Variants in DLGAP2 observed in about 807,000 individuals in gnomAD.
The protein encoded by DLGAP2 is disks large-associated protein 2.
In DLGAP2, 26 loss-of-function variants were observed where a neutral mutation model predicts 100.3. The ratio of observed to expected loss-of-function variants is 0.26; its 90% CI spans 0.19 to 0.36. The LOEUF (loss-of-function observed/expected upper bound fraction) is 0.36. Among genes scored for constraint, DLGAP2 ranks in the 10% least tolerant of loss-of-function variants. The pLI is 1.00. For missense variants in DLGAP2, 1,858 were observed against 1,453.2 expected (o/e 1.28, Z -4.53); for synonymous variants, 886 against 630.1 (o/e 1.41, Z -6.08).
Position 1,548,633 on chromosome 8 carries a change from G to A in DLGAP2, c.180G>A (p.Gln60=), listed in dbSNP as rs1283180882. ...PGPAEEDLDP[Q]YSWSPTQHFN... is the part of the protein sequence containing the mutation. ...GTTTCTGTTTCCCCACAGACCCGCA[G>A]TACTCATGGTCGCCCACGCAGCACT... is the stretch of plus-strand genomic sequence containing the variant. Residue 60 remains glutamine (Q), a synonymous_variant, in exon 5 of 15, where the codon CAG becomes CAA. Coordinates refer to ENST00000637795, the MANE Select transcript of DLGAP2 (RefSeq NM_001346810.2). 2.0e-6 allele frequency: 3 copies of A among 1,537,582 alleles called. No individual in the cohort carries two copies. In the South Asian group the frequency reaches 3.6e-5, roughly 19 times the overall value.
intron 3 of DLGAP2, among the ~76,000 whole-genome samples, chr8:1,323,362 A>G (rs1173126709): frequency 6.6e-6 from 1 of 152,104 alleles, no homozygotes; most frequent in Non-Finnish European, 1.5e-5. Flanking sequence ...TTTTTAAACA[A>G]CCACGATGCA....
chr8:1,570,871 G>C (rs1177470563), intron 6 of DLGAP2, among the ~76,000 whole-genome samples: 1 of 149,548 alleles, frequency 6.7e-6, no homozygotes, highest in African/African-American at 2.5e-5. Flanking sequence ...TGATGAGATG[G>C]AGAAGAGAGA....
intron 2 of DLGAP2, among the ~76,000 whole-genome samples, chr8:949,788 C>T (rs1799429950): frequency 2.6e-5 from 4 of 152,256 alleles, no homozygotes; most frequent in African/African-American, 4.8e-5. Context: ...TTGTGGGGGC[C>T]GTCCTGGGAC....
In DLGAP2 at chr8:985,202, T is replaced by G. The variant is rs184377186; in HGVS notation, c.73+77236T>G. Reference sequence around the variant, plus strand: ...CTGATCCAGAGGAAAGAGAAATCAGTGGAAATGAGTCAAGATACAAGGTCC... The same window carrying G: ...CTGATCCAGAGGAAAGAGAAATCAGGGGAAATGAGTCAAGATACAAGGTCC... On this transcript the variant is annotated intron_variant, in intron 2 of 14. Coordinates refer to ENST00000637795, the MANE Select transcript of DLGAP2 (RefSeq NM_001346810.2). Among the ~76,000 whole-genome samples, 211 of 152,214 alleles carry G rather than the reference T, an allele frequency of 1.4e-3. 1 individual carries two copies. Among genetic ancestry groups the G allele is most frequent in the Non-Finnish European group, 2.5e-3 (170 of 67,996 alleles).
intron 6 of DLGAP2, among the ~76,000 whole-genome samples, chr8:1,616,014 G>T (rs1281986925): frequency 2.0e-5 from 3 of 152,122 alleles, no homozygotes; most frequent in South Asian, 4.1e-4. Context: ...GATGTTAAAG[G>T]AGAAGAAGGT....
intron 1 of DLGAP2, among the ~76,000 whole-genome samples, chr8:773,802 A>C (rs1305330402): frequency 7.2e-5 from 11 of 152,216 alleles, no homozygotes; most frequent in Admixed American, 1.3e-4. Context: ...ATACCACAAT[A>C]AACATACATG....
chr8:1,242,724 A>C (rs9644306), intron 2 of DLGAP2, among the ~76,000 whole-genome samples: 2 of 152,012 alleles, frequency 1.3e-5, no homozygotes, highest in Non-Finnish European at 2.9e-5. Flanking sequence ...AGGTGGGTGG[A>C]TGGATGTATG....
chr8:1,437,831 A>T (rs891459735), intron 3 of DLGAP2, among the ~76,000 whole-genome samples: 2 of 149,652 alleles, frequency 1.3e-5, no homozygotes, highest in African/African-American at 4.9e-5. Flanking sequence ...AAAAAAAAAA[A>T]AAAAATTAGC....
chr8:913,083 C>A (rs1040322804), intron 2 of DLGAP2, among the ~76,000 whole-genome samples: 10 of 152,142 alleles, frequency 6.6e-5, no homozygotes, highest in African/African-American at 2.4e-4. Flanking sequence ...ATAGGTTGAG[C>A]AAATTTTTTT....
At chr8:1,277,714 G>C (rs559978223) in intron 3 of DLGAP2, among the ~76,000 whole-genome samples, 2 of 152,112 alleles carry the variant, frequency 1.3e-5, no homozygotes, top group Non-Finnish European at 2.9e-5. Flanking sequence ...CTGCACCGAG[G>C]TCGGGGCAGG....
chr8:962,088 C>T (rs1799739585), intron 2 of DLGAP2, among the ~76,000 whole-genome samples: 1 of 152,196 alleles, frequency 6.6e-6, no homozygotes. Context: ...TTTGTAAAAG[C>T]ATTTCTCTGA....
At chr8:1,642,164 T>C (rs71518073) in intron 8 of DLGAP2, among the ~76,000 whole-genome samples, 1 of 23,574 alleles carries the variant, frequency 4.2e-5, no homozygotes, top group Non-Finnish European at 6.4e-5. Flanking sequence ...ACCCCGCCGG[T>C]CCCCACCTGT....
At chr8:1,539,608 C>T (rs1801287075) in intron 4 of DLGAP2, among the ~76,000 whole-genome samples, 1 of 151,926 alleles carries the variant, frequency 6.6e-6, no homozygotes, top group South Asian at 2.1e-4. Context: ...CCTCTCCAGG[C>T]CCCACTTTCC....
intron 2 of DLGAP2, among the ~76,000 whole-genome samples, chr8:986,775 T>C (rs1172165506): frequency 6.6e-6 from 1 of 151,906 alleles, no homozygotes; most frequent in Non-Finnish European, 1.5e-5. Flanking sequence ...TTCTCCTGCC[T>C]AAGCTTCCCA....
intron 3 of DLGAP2, among the ~76,000 whole-genome samples, chr8:1,267,355 C>G (rs941011026): frequency 6.6e-6 from 1 of 151,286 alleles, no homozygotes; most frequent in East Asian, 1.9e-4. Context: ...CACTTGAGGT[C>G]AGGAGCTTGA....
intron 2 of DLGAP2, among the ~76,000 whole-genome samples, chr8:1,203,632 A>T (rs1317110758): frequency 5.3e-5 from 8 of 152,178 alleles, no homozygotes; most frequent in Admixed American, 4.6e-4. Flanking sequence ...AGATAAGAAG[A>T]GATGTCTTTA....
chr8:1,587,362 C>A (rs1796153033), intron 6 of DLGAP2, among the ~76,000 whole-genome samples: 1 of 152,090 alleles, frequency 6.6e-6, no homozygotes, highest in Non-Finnish European at 1.5e-5. Flanking sequence ...TGGGGTGAGG[C>A]CAGAGAGGAA....
intron 6 of DLGAP2, among the ~76,000 whole-genome samples, chr8:1,593,257 A>G (rs1034534230): frequency 6.6e-5 from 10 of 152,064 alleles, no homozygotes; most frequent in African/African-American, 2.4e-4. Flanking sequence ...GATTGAGACC[A>G]TCCTGGGTAA....
chr8:1,314,097 G>C (rs189397921), intron 3 of DLGAP2, among the ~76,000 whole-genome samples: 1 of 152,256 alleles, frequency 6.6e-6, no homozygotes, highest in African/African-American at 2.4e-5. Flanking sequence ...GACTTAATTA[G>C]ATATGTGAAA....
Sources: gnomAD v4.1 joint callset for allele counts (sites outside exome capture counted in the v4.1 genomes callset) on GRCh38, gnomAD v4.1.1 for gene constraint, MANE v1.5 for transcripts, NCBI Gene and HGNC (gene_info 2026-07-23, HGNC 2026-07-21) for gene names.